Variants in CLVS1 observed in about 807,000 individuals in gnomAD.
CLVS1 encodes clavesin 1.
Under a neutral mutation model 33.1 loss-of-function variants are expected in CLVS1, and 10 were observed. That is an observed-to-expected ratio of 0.30 (90% confidence interval 0.19 to 0.51). CLVS1 has a LOEUF of 0.51. Ranked by LOEUF, CLVS1 falls within the 20% of genes least tolerant of loss-of-function variation. The pLI is 0.97. For synonymous variants in CLVS1, 163 were observed against 166.1 expected, an observed-to-expected ratio of 0.98 and a Z score of 0.14; for missense variants, 343 against 433.4, an observed-to-expected ratio of 0.79 and a Z score of 1.85.
intron 3 of CLVS1, among the ~76,000 whole-genome samples, chr8:61,408,043 A>G (rs1815059205): frequency 2.0e-5 from 3 of 152,202 alleles, no homozygotes; most frequent in East Asian, 3.8e-4. Flanking sequence ...ACTAGTATTT[A>G]CAAAAGTCAG....
At chr8:61,379,226 T>C (rs1022952951) in intron 3 of CLVS1, among the ~76,000 whole-genome samples, 4 of 152,168 alleles carry the variant, frequency 2.6e-5, no homozygotes, top group Admixed American at 1.3e-4. Context: ...TGTGAGAAAG[T>C]GGCCTTGTCA....
At chr8:61,163,084 A>T (rs1806782935) in intron 2 of CLVS1, among the ~76,000 whole-genome samples, 1 of 152,202 alleles carries the variant, frequency 6.6e-6, no homozygotes, top group South Asian at 2.1e-4. Flanking sequence ...CCAACCCCAG[A>T]AAACCCTGCC....
chr8:61,180,997 G>A (rs979641059), intron 2 of CLVS1, among the ~76,000 whole-genome samples: 1 of 152,066 alleles, frequency 6.6e-6, no homozygotes, highest in Non-Finnish European at 1.5e-5. Context: ...AGGGCAATAA[G>A]GCAAGAGAAA....
chr8:61,433,819 CAGG>C (rs1193902730), intron 3 of CLVS1, among the ~76,000 whole-genome samples: 1 of 151,982 alleles, frequency 6.6e-6, no homozygotes, highest in Non-Finnish European at 1.5e-5. Flanking sequence ...GAGGCCGAGG[CAGG>C]AGAATTGCTT....
chr8:61,345,621 G>GATGTGTGTGT (rs36068150), intron 2 of CLVS1, among the ~76,000 whole-genome samples: 1 of 148,688 alleles, frequency 6.7e-6, no homozygotes, highest in African/African-American at 2.5e-5. Context: ...AGCCTCTAGG[G>GATGTGTGTGT]GTGTGTGTGT....
chr8:61,237,285 A>G (rs1050095848), intron 2 of CLVS1, among the ~76,000 whole-genome samples: 1 of 152,126 alleles, frequency 6.6e-6, no homozygotes, highest in African/African-American at 2.4e-5. Context: ...CAAAATAGGA[A>G]AAGAAAAAAA....
intron 2 of CLVS1, among the ~76,000 whole-genome samples, chr8:61,251,993 T>C (rs1447148360): frequency 6.6e-6 from 1 of 152,220 alleles, no homozygotes; most frequent in African/African-American, 2.4e-5. Context: ...TCTCTAGTTC[T>C]TTTAATTGTG....
chr8:61,017,922 T>G, the CLVS1 span, among the ~76,000 whole-genome samples: 1 of 152,242 alleles, frequency 6.6e-6, no homozygotes, highest in East Asian at 1.9e-4. Context: ...ACGTCCTTAG[T>G]GATCAACTTC....
At chr8:61,289,631 C>T (rs187275120) in intron 1 of CLVS1, among the ~76,000 whole-genome samples, 29 of 152,250 alleles carry the variant, frequency 1.9e-4, no homozygotes, top group African/African-American at 6.0e-4. Context: ...TAAACCAGAG[C>T]ACAGAAAAGC....
At chr8:61,242,533 T>C (rs747272374) in intron 2 of CLVS1, among the ~76,000 whole-genome samples, 4 of 152,178 alleles carry the variant, frequency 2.6e-5, no homozygotes, top group Admixed American at 6.5e-5. Flanking sequence ...CTGATGCTTG[T>C]AATCCTAGCA....
At chr8:61,442,819 C>T (rs1351221248) in intron 3 of CLVS1, among the ~76,000 whole-genome samples, 2 of 152,134 alleles carry the variant, frequency 1.3e-5, no homozygotes, top group African/African-American at 4.8e-5. Flanking sequence ...AGACTGGTCT[C>T]AAACTCCTGA....
chr8:61,202,100 A>G (rs1227474222), intron 2 of CLVS1, among the ~76,000 whole-genome samples: 1 of 152,232 alleles, frequency 6.6e-6, no homozygotes, highest in East Asian at 1.9e-4. Context: ...AAAGGTAAAA[A>G]CACCTTTAAA....
intron 1 of CLVS1, among the ~76,000 whole-genome samples, chr8:61,058,889 TG>T (rs1804527745): frequency 6.6e-6 from 1 of 152,174 alleles, no homozygotes; most frequent in African/African-American, 2.4e-5. Context: ...TTCCTTTTAA[TG>T]AATGAGTCAT....
intron 3 of CLVS1, among the ~76,000 whole-genome samples, chr8:61,392,368 T>C (rs1483159412): frequency 1.3e-5 from 2 of 152,010 alleles, no homozygotes; most frequent in East Asian, 3.9e-4. Context: ...CCTACTCAAC[T>C]CATCTAAGTT....
chr8:61,129,279 T>C (rs1806039475), intron 1 of CLVS1, among the ~76,000 whole-genome samples: 1 of 152,194 alleles, frequency 6.6e-6, no homozygotes, highest in African/African-American at 2.4e-5. Context: ...TTTCCTGTGG[T>C]TGAGTGAAGT....
intron 5 of CLVS1, among the ~76,000 whole-genome samples, chr8:61,484,169 G>T (rs1222292809): frequency 1.3e-5 from 2 of 152,180 alleles, no homozygotes; most frequent in African/African-American, 4.8e-5. Flanking sequence ...GTTTGCACAT[G>T]ACATGATTTT....
At chr8:60,999,357 T>C in the CLVS1 span, among the ~76,000 whole-genome samples, 1 of 151,878 alleles carries the variant, frequency 6.6e-6, no homozygotes, top group African/African-American at 2.4e-5. Context: ...AATGAGAACA[T>C]GGAATAGTAT....
chr8:61,460,572 T>C (rs1328987540), intron 5 of CLVS1, among the ~76,000 whole-genome samples: 1 of 152,220 alleles, frequency 6.6e-6, no homozygotes, highest in African/African-American at 2.4e-5. Flanking sequence ...AAATTGCCCA[T>C]GTTTGATGAG....
chr8:61,380,972 AT>A (rs1813853945), intron 3 of CLVS1, among the ~76,000 whole-genome samples: 1 of 152,084 alleles, frequency 6.6e-6, no homozygotes, highest in African/African-American at 2.4e-5. Context: ...AAAATATTTG[AT>A]TCCTTGAAGG....
Sources: allele counts gnomAD v4.1 joint callset (sites outside exome capture counted in the v4.1 genomes callset), GRCh38; gene constraint gnomAD v4.1.1; transcripts MANE v1.5; gene names NCBI Gene and HGNC (gene_info 2026-07-23, HGNC 2026-07-21).